Variants in AASDH observed in about 807,000 individuals in gnomAD.
AASDH encodes the protein beta-alanine-activating enzyme.
A neutral mutation model predicts 102.3 loss-of-function variants in AASDH; 81 were observed. The observed-to-expected ratio is 0.79, with a 90% CI of 0.66 to 0.95. AASDH has a LOEUF of 0.95. Ranked by LOEUF, AASDH falls within the 40% of genes least tolerant of loss-of-function variation. The pLI is 0.00. For missense variants in AASDH, 1,203 were observed against 1,266.2 expected (o/e 0.95, Z 0.76); for synonymous variants, 398 against 454.0 (o/e 0.88, Z 1.57).
chr4:56,364,293 T>G (rs763294886), intron 5 of AASDH, among the ~76,000 whole-genome samples: 1 of 152,012 alleles, frequency 6.6e-6, no homozygotes, highest in African/African-American at 2.4e-5. Flanking sequence ...GAAAACACTC[T>G]GCAGGATATT....
At chr4:56,364,413 T>C (rs1427318175) in intron 5 of AASDH, among the ~76,000 whole-genome samples, 4 of 151,712 alleles carry the variant, frequency 2.6e-5, no homozygotes, top group Non-Finnish European at 5.9e-5. Flanking sequence ...AGACACAAAA[T>C]TGTCAGATTC....
Position 56,338,715 on chromosome 4 carries a change from C to T in AASDH, c.2984G>A (p.Gly995Asp). 2 of 1,614,064 alleles carry T rather than the reference C, an allele frequency of 1.2e-6. No homozygotes were observed. Among genetic ancestry groups the T allele is most frequent in the South Asian group, 1.1e-5 (1 of 91,060 alleles). The part of the protein sequence containing the change: ...TSPSEQKIFF[G>D]SHDCFIYCCN... ...ACAGTAGATAAAGCAATCATGGGAA[C>T]CAAAAAATATTTTTTGCTCTGATGG... Residue 995 changes from glycine to aspartate, a missense_variant, in exon 15 of 15, where the codon GGT becomes GAT. Transcript: ENST00000205214.
In AASDH at chr4:56,342,933, C is replaced by T. The variant is rs748165105; in HGVS notation, c.2809G>A (p.Gly937Arg). ...TGNVIWKHSC[G>R]KPLFSSPQCC... ...TGTGGGGAAGAGAAGAGTGGTTTTC[C>T]ACAGGAATGTTTCCAAATAACGTTC... The change falls in exon 14 of 15, where the codon GGA becomes AGA. Residue 937 changes from glycine (G) to arginine (R), a missense_variant. Gly to Arg is a moderately radical substitution (Grantham distance 125, BLOSUM62 -2). Coordinates refer to ENST00000205214, the MANE Select transcript of AASDH (RefSeq NM_181806.4). 3 of 1,591,046 alleles carry T rather than the reference C, an allele frequency of 1.9e-6. No individual in the cohort carries two copies. Among genetic ancestry groups the T allele is most frequent in the East Asian group, 4.6e-5 (2 of 43,520 alleles).
chr4:56,355,336 G>T lies in AASDH; in HGVS notation c.949C>A (p.Leu317Ile), dbSNP rs1199510757. 2.5e-6 allele frequency: 4 copies of T among 1,613,974 alleles called. No homozygotes were observed. Residue 317 changes from leucine (L) to isoleucine (I), a missense_variant, in exon 6 of 15, where the codon CTT becomes ATT. Leu to Ile is a conservative substitution (Grantham distance 5). Transcript: ENST00000205214. The stretch of plus-strand genomic sequence containing the variant: ...AATGATGGAAACGCTTCACCACCAA[G>T]GGCTAATACTCGAAGAGAAGTAGTG... Reference protein sequence around the residue: ...SATTSLRVLALGGEAFPSLTV... With the variant: ...SATTSLRVLAIGGEAFPSLTV...
At chr4:56,369,898 C>A (rs964453994) in intron 5 of AASDH, among the ~76,000 whole-genome samples, 1 of 149,844 alleles carries the variant, frequency 6.7e-6, no homozygotes, top group Non-Finnish European at 1.5e-5. Context: ...CGAGGTCATA[C>A]CACTGTACTC....
chr4:56,376,513 T>C (rs542430103), intron 4 of AASDH, among the ~76,000 whole-genome samples: 2 of 152,338 alleles, frequency 1.3e-5, no homozygotes, highest in East Asian at 3.9e-4. Context: ...AAAGACTATA[T>C]TGTCGATTAC....
At chr4:56,353,326 T>A in intron 9 of AASDH, 78 bp downstream of exon 9, 1 of 1,184,760 alleles carries the variant, frequency 8.4e-7, no homozygotes, top group Non-Finnish European at 1.2e-6. Context: ...AAATAAAGAT[T>A]TATGTTATCA....
At chr4:56,357,343 A>T (rs1749753644) in intron 5 of AASDH, among the ~76,000 whole-genome samples, 1 of 152,112 alleles carries the variant, frequency 6.6e-6, no homozygotes, top group South Asian at 2.1e-4. Context: ...AAGCAACCTC[A>T]GGCTTCTTTT....
chr4:56,349,388 C>G lies in AASDH; in HGVS notation c.2363G>C (p.Gly788Ala), dbSNP rs1347581202. ...TGCCTTCATTCTATGAGAATGGGAA[C>G]CAATGTACACAGTTGTAGATGACTT... ...FDKSSTTVYI[G>A]SHSHRMKAVD... The change falls in exon 11 of 15, where the codon GGT becomes GCT. Residue 788 changes from glycine (G) to alanine (A), a missense_variant. By Grantham distance (60) the Gly-to-Ala change is moderately conservative. Coordinates refer to ENST00000205214, the MANE Select transcript of AASDH (RefSeq NM_181806.4). 6.2e-7 allele frequency: 1 copy of G among 1,614,044 alleles called. No homozygotes were observed. Among genetic ancestry groups the G allele is most frequent in the East Asian group, 2.2e-5 (1 of 44,898 alleles).
intron 5 of AASDH, among the ~76,000 whole-genome samples, chr4:56,364,431 T>C (rs1750728497): frequency 6.6e-6 from 1 of 151,902 alleles, no homozygotes; most frequent in African/African-American, 2.4e-5. Flanking sequence ...TTCACCGAAG[T>C]TGAAATTAAG....
In AASDH at chr4:56,346,997, C is replaced by T. The variant is rs7685440; in HGVS notation, c.2489-1707G>A. On this transcript the variant is annotated intron_variant, in intron 11 of 14. Transcript: ENST00000205214. Reference sequence around the variant, plus strand: ...TCGAGGGTGTAGTAAGCCATGATGACGCCACTGCACTCCAGCCTGGGTGAC... The same window carrying T: ...TCGAGGGTGTAGTAAGCCATGATGATGCCACTGCACTCCAGCCTGGGTGAC... 9.4e-3 allele frequency among the ~76,000 whole-genome samples: 1,418 copies of T among 150,818 alleles called. 31 individuals carry two copies. The highest frequency in any genetic ancestry group is 0.033 in the African/African-American group (1,351 of 40,920).
intron 5 of AASDH, among the ~76,000 whole-genome samples, chr4:56,367,038 T>C (rs918525835): frequency 6.6e-5 from 10 of 151,912 alleles, no homozygotes; most frequent in Non-Finnish European, 1.3e-4. Flanking sequence ...GGATACAAAA[T>C]CAATGTACAA....
chr4:56,349,077 T>C, intron 11 of AASDH, 186 bp downstream of exon 11: 1 of 632,576 alleles, frequency 1.6e-6, no homozygotes, highest in Non-Finnish European at 2.7e-6. Flanking sequence ...GCTATACAGG[T>C]AGGTTCAAAT....
intron 4 of AASDH, 147 bp from the exon 5 acceptor site, chr4:56,371,790 T>C (rs1751744873): frequency 3.0e-6 from 2 of 676,624 alleles, no homozygotes; most frequent in Non-Finnish European, 4.5e-6. Context: ...AAAATGGTGC[T>C]ATCAAAATTC....
chr4:56,361,246 T>C (rs1750251619), intron 5 of AASDH, among the ~76,000 whole-genome samples: 1 of 151,948 alleles, frequency 6.6e-6, no homozygotes, highest in Admixed American at 6.6e-5. Context: ...CTGTCTCTAC[T>C]AAAAATACAA....
chr4:56,351,552 TA>T, intron 9 of AASDH, 95 bp from the exon 10 acceptor site: 1 of 683,130 alleles, frequency 1.5e-6, no homozygotes, highest in South Asian at 2.0e-5. Context: ...TTTTTCTTTG[TA>T]CAACACAGAA....
Position 56,364,552 on chromosome 4 carries a change from G to A in AASDH, c.861+6899C>T, listed in dbSNP as rs566138616. ...AAACTCTACAAGCCAGAAGAGAGTG[G>A]GAGCCAATATTCAACATTCTTAAAG... On this transcript the variant is annotated intron_variant, in intron 5 of 14. Transcript: ENST00000205214. 7.2e-4 allele frequency among the ~76,000 whole-genome samples: 110 copies of A among 152,286 alleles called. 5 individuals carry two copies. The South Asian group carries it at 0.022, about 31-fold the overall frequency.
chr4:56,371,691 A>G (rs1234387273), intron 4 of AASDH, 48 bp from the exon 5 acceptor site: 2 of 1,503,036 alleles, frequency 1.3e-6, no homozygotes, highest in South Asian at 2.5e-5. Flanking sequence ...ACATTCAGTA[A>G]GCACATATCC....
intron 4 of AASDH, among the ~76,000 whole-genome samples, chr4:56,374,369 GA>G (rs71192096): frequency 5.3e-4 from 56 of 105,886 alleles, no homozygotes; most frequent in African/African-American, 1.2e-3. Flanking sequence ...CTCTGTCTCA[GA>G]AAAAAAAAAA....
Sources: gnomAD v4.1 joint callset for allele counts (sites outside exome capture counted in the v4.1 genomes callset) on GRCh38, gnomAD v4.1.1 for gene constraint, MANE v1.5 for transcripts, NCBI Gene and HGNC (gene_info 2026-07-23, HGNC 2026-07-21) for gene names.